RPS6KA2: variants seen among roughly 807,000 people sequenced by gnomAD.
RPS6KA2 encodes ribosomal protein S6 kinase alpha-2.
RPS6KA2 carries 42 observed loss-of-function variants against 91.8 expected under a neutral mutation model. That is an observed-to-expected ratio of 0.46 (90% CI 0.36 to 0.59). The LOEUF is 0.59. RPS6KA2 is among the 20% of genes least tolerant of loss of function. The pLI is 0.00. For missense variants in RPS6KA2, 798 were observed against 978.5 expected (o/e 0.82, Z 2.46); for synonymous variants, 414 against 393.6 (o/e 1.05, Z -0.61).
chr6:166,474,464 T>C (rs947633713), intron 10 of RPS6KA2, among the ~76,000 whole-genome samples: 2 of 152,170 alleles, frequency 1.3e-5, no homozygotes, highest in African/African-American at 4.8e-5. Flanking sequence ...CACTTTAAAC[T>C]TCCCCCTGGG....
In RPS6KA2 at chr6:166,849,527, T is replaced by C. The variant is rs1448750904; in HGVS notation, c.123+8673A>G. Among the ~76,000 whole-genome samples the C allele has an allele frequency of 1.3e-5, 2 of 152,176 alleles. No homozygotes were observed. Among genetic ancestry groups the C allele is most frequent in the Admixed American group, 1.3e-4 (2 of 15,276 alleles). On this transcript the variant is annotated intron_variant, in intron 2 of 21. Transcript: ENST00000503859. This position sits in a 1 kb window ranked among gnomAD's most constrained non-coding sequence, Gnocchi z 4.9. ...AGGGTGAGGTGGGGGCGGATCAGCT[T>C]GAGTCACCACGCGTGTAGCTGACAG...
chr6:166,727,910 G>T (rs1790388887), intron 2 of RPS6KA2, among the ~76,000 whole-genome samples: 1 of 152,058 alleles, frequency 6.6e-6, no homozygotes, highest in African/African-American at 2.4e-5. Flanking sequence ...ATAGGGGTTT[G>T]CCACCCATGA....
exon 1 of RPS6KA2, chr6:166,862,238 C>T: frequency 1.9e-6 from 3 of 1,610,382 alleles, no homozygotes; most frequent in Non-Finnish European, 2.5e-6. Flanking sequence ...AGGCTCGGAC[C>T]GGCACAGGGG....
chr6:166,527,252 G>A (rs1215510966), intron 3 of RPS6KA2, among the ~76,000 whole-genome samples: 1 of 152,196 alleles, frequency 6.6e-6, no homozygotes, highest in Non-Finnish European at 1.5e-5. Context: ...TTCAGTGGCG[G>A]GGGAGGGTGA....
At chr6:166,640,046 A>G (rs888893097) in intron 2 of RPS6KA2, among the ~76,000 whole-genome samples, 1 of 152,226 alleles carries the variant, frequency 6.6e-6, no homozygotes, top group African/African-American at 2.4e-5. Flanking sequence ...CGAAAGAGAC[A>G]CAGCGAACCC....
At chr6:166,750,160 C>T (rs946075057) in intron 2 of RPS6KA2, among the ~76,000 whole-genome samples, 1 of 152,176 alleles carries the variant, frequency 6.6e-6, no homozygotes, top group Non-Finnish European at 1.5e-5. Flanking sequence ...CTGTGAAGGG[C>T]GGTTCCATCC....
intron 2 of RPS6KA2, among the ~76,000 whole-genome samples, chr6:166,805,316 G>A (rs998544367): frequency 6.6e-6 from 1 of 152,190 alleles, no homozygotes. Flanking sequence ...TCACAGAGTT[G>A]CAGACAGAGA....
chr6:166,776,708 G>C (rs907916461), intron 2 of RPS6KA2, among the ~76,000 whole-genome samples: 1 of 152,182 alleles, frequency 6.6e-6, no homozygotes, highest in African/African-American at 2.4e-5. Context: ...TGATGTGCTC[G>C]AGGTTCGTCC....
intron 2 of RPS6KA2, among the ~76,000 whole-genome samples, chr6:166,795,278 G>A (rs1361794933): frequency 6.6e-6 from 1 of 152,134 alleles, no homozygotes; most frequent in African/African-American, 2.4e-5. Context: ...AATCTCAACT[G>A]TATTTCATTT....
chr6:166,548,883 G>C (rs1271026208), intron 1 of RPS6KA2, among the ~76,000 whole-genome samples: 1 of 152,192 alleles, frequency 6.6e-6, no homozygotes, highest in Non-Finnish European at 1.5e-5. Context: ...CTCTGTGAAG[G>C]AGATGAAAAG....
chr6:166,420,345 A>G (rs186862711), intron 17 of RPS6KA2, among the ~76,000 whole-genome samples: 2 of 152,326 alleles, frequency 1.3e-5, no homozygotes, highest in East Asian at 3.9e-4. Flanking sequence ...CATCACCACC[A>G]TCCATCCACA....
chr6:166,607,835 T>C (rs979969277), intron 1 of RPS6KA2, among the ~76,000 whole-genome samples: 1 of 152,172 alleles, frequency 6.6e-6, no homozygotes, highest in South Asian at 2.1e-4. Flanking sequence ...AATACTGAGA[T>C]GGTTCTTCAG....
At chr6:166,478,994 C>T (rs963877131) in intron 10 of RPS6KA2, among the ~76,000 whole-genome samples, 3 of 152,212 alleles carry the variant, frequency 2.0e-5, no homozygotes, top group Non-Finnish European at 2.9e-5. Flanking sequence ...ACCTGGCTCT[C>T]GCTTCACTTT....
At chr6:166,604,586 G>A (rs939288439) in intron 1 of RPS6KA2, among the ~76,000 whole-genome samples, 4 of 152,266 alleles carry the variant, frequency 2.6e-5, no homozygotes, top group East Asian at 1.9e-4. Context: ...GCCGTGCCTC[G>A]GGCCTTACCT....
At chr6:166,808,714 A>G (rs1166462768) in intron 2 of RPS6KA2, among the ~76,000 whole-genome samples, 3 of 152,252 alleles carry the variant, frequency 2.0e-5, no homozygotes, top group Non-Finnish European at 4.4e-5. Context: ...TTAAGTAAAT[A>G]AAAACATAGA....
intron 2 of RPS6KA2, among the ~76,000 whole-genome samples, chr6:166,843,330 G>A (rs186005091): frequency 1.3e-5 from 2 of 152,286 alleles, no homozygotes; most frequent in East Asian, 3.9e-4. Context: ...TCCCTTGGGA[G>A]CTCTACAGCC....
In RPS6KA2 at chr6:166,791,351, C is replaced by A. The variant is rs1278754591; in HGVS notation, c.123+66849G>T. On this transcript the variant is annotated intron_variant, in intron 2 of 21. Transcript: ENST00000503859. ...ATATATGCACCCAATACAGGAGCAC[C>A]CAGATTCATAAAGCAAGTCCTGAGT... is the stretch of plus-strand genomic sequence containing the variant. Among the ~76,000 whole-genome samples the A allele has an allele frequency of 5.3e-5, 8 of 152,102 alleles. No homozygotes were observed. The East Asian group carries it at 1.2e-3, about 22-fold the overall frequency.
chr6:166,469,124 G>T (rs1780655273), intron 11 of RPS6KA2, among the ~76,000 whole-genome samples: 2 of 152,188 alleles, frequency 1.3e-5, no homozygotes, highest in South Asian at 4.1e-4. Flanking sequence ...CTGTGTGGGG[G>T]ACGCGTCAGA....
In RPS6KA2 at chr6:166,726,530, GC is replaced by G. The variant is rs1465667813; in HGVS notation, c.123+131669del. 3.3e-5 allele frequency among the ~76,000 whole-genome samples: 5 copies of G among 152,152 alleles called. No individual in the cohort carries two copies. In the East Asian group the frequency reaches 9.6e-4, roughly 29 times the overall value. On this transcript the variant is annotated intron_variant, in intron 2 of 21. Coordinates refer to the RPS6KA2 transcript ENST00000503859. The surrounding 1 kb of genome is among the most constrained non-coding windows in gnomAD (Gnocchi z 4.4). The stretch of plus-strand genomic sequence containing the variant: ...ATGAAAGAAGGACATGCATCCTGCC[GC>G]CCATGTCAGACACACGTCCCTTGCA...
Sources: gnomAD v4.1 joint callset for allele counts (sites outside exome capture counted in the v4.1 genomes callset) on GRCh38, gnomAD v4.1.1 for gene constraint, Gnocchi (gnomAD v3.1) non-coding constraint, MANE v1.5 for transcripts, NCBI Gene and HGNC (gene_info 2026-07-23, HGNC 2026-07-21) for gene names.